The following KIR3DL1 variants were observed in gnomAD, a reference collection of about 807,000 sequenced individuals.
The protein encoded by KIR3DL1 is killer cell immunoglobulin-like receptor 3DL1.
In KIR3DL1, 50 loss-of-function variants were observed where a neutral mutation model predicts 40.3. That is an observed-to-expected ratio of 1.24 (90% CI 0.99 to 1.57). KIR3DL1 has a LOEUF of 1.57. Among genes scored for constraint, KIR3DL1 ranks in the 40% most tolerant of loss-of-function variants. KIR3DL1 has a pLI of 0.00. For synonymous variants in KIR3DL1, 257 were observed against 207.2 expected, an observed-to-expected ratio of 1.24 and a Z score of -2.07; for missense variants, 661 against 559.9, an observed-to-expected ratio of 1.18 and a Z score of -1.82.
exon 9 of KIR3DL1, chr19:54,830,192 C>T: frequency 6.6e-7 from 1 of 1,524,568 alleles, no homozygotes; most frequent in Non-Finnish European, 8.9e-7. Flanking sequence ...TTCTCAGAGG[C>T]CCAAGACACC....
Position 54,822,713 on chromosome 19 carries a change from C to T in KIR3DL1, c.949+855C>T, listed in dbSNP as rs371589817. On this transcript the variant is annotated intron_variant, in intron 5 of 8. Transcript: ENST00000391728. ...CTCTGGTGTCCACCATTGTATTCTC[C>T]ACCTTCATGAGATCCACCTTTTATC... Among the ~76,000 whole-genome samples the T allele has an allele frequency of 4.8e-3, 713 of 148,128 alleles. 16 individuals are homozygous for T. Among genetic ancestry groups the T allele is most frequent in the African/African-American group, 0.017 (664 of 38,632 alleles).
rs183140768 is a variant in KIR3DL1 at position 54,818,542 on chromosome 19, C to A, written c.298C>A (p.Pro100Thr). Residue 100 changes from proline to threonine, a missense_variant, in exon 3 of 9, where the codon CCA becomes ACA. Transcript: ENST00000391728. ...GAACTACACATGTCGGGGTTCACAC[C>A]CACACTCCCCCACTGGGTGGTCGGC... The A allele has an allele frequency of 6.0e-5, 96 of 1,611,502 alleles. 2 individuals carry two copies. The African/African-American group carries it at 1.2e-3, about 20-fold the overall frequency.
chr19:54,826,336 A>G (rs1329060292), intron 6 of KIR3DL1, among the ~76,000 whole-genome samples: 1 of 150,400 alleles, frequency 6.6e-6, no homozygotes, highest in Non-Finnish European at 1.5e-5. Flanking sequence ...ATTTATTGAG[A>G]CAGAGTCTCC....
chr19:54,820,941 G>A (rs1396361055), intron 4 of KIR3DL1, among the ~76,000 whole-genome samples: 1 of 150,962 alleles, frequency 6.6e-6, no homozygotes, highest in African/African-American at 2.5e-5. Flanking sequence ...TGATAAATAG[G>A]TAGATGATAG....
At position 54,819,832 on chromosome 19, in the gene KIR3DL1, G is replaced by GA; in HGVS notation, c.475_476insA (p.Gly159GlufsTer4). On this transcript the variant is annotated frameshift_variant, in exon 4 of 9. Coordinates refer to ENST00000391728, the Ensembl canonical transcript of KIR3DL1. LOFTEE classifies it high-confidence loss of function. ...TGAGCACTTCTTTCTGCACAAAGAG[G>GA]GGATCTCTAAGGACCCCTCACGCCT... 2.5e-6 allele frequency: 4 copies of GA among 1,611,606 alleles called. No homozygotes were observed. In the African/African-American group the frequency reaches 5.4e-5, roughly 22 times the overall value.
chr19:54,827,525 G>A lies in KIR3DL1; in HGVS notation c.1001-1836G>A, dbSNP rs546278816. ...TCCTGCTCTGGAGGATGAAGCAGGA[G>A]AATGACTTCAACCCAGGAGGTGGAG... On this transcript the variant is annotated intron_variant, in intron 6 of 8. Transcript: ENST00000391728. Among the ~76,000 whole-genome samples, 89 of 150,824 alleles carry A rather than the reference G, an allele frequency of 5.9e-4. 4 individuals are homozygous for A. The highest frequency in any genetic ancestry group is 2.1e-3 in the African/African-American group (85 of 40,512).
chr19:54,824,821 T>C (rs2061802152), intron 5 of KIR3DL1, among the ~76,000 whole-genome samples: 1 of 150,062 alleles, frequency 6.7e-6, no homozygotes, highest in Admixed American at 6.6e-5. Flanking sequence ...CTAAGTCAGG[T>C]AGTGTGATGC....
chr19:54,819,800 T>C (rs769147743), exon 4 of KIR3DL1: 5 of 1,611,706 alleles, frequency 3.1e-6, no homozygotes, highest in Non-Finnish European at 4.2e-6. Flanking sequence ...TGGTCAGATA[T>C]CATGTTTGAG....
chr19:54,817,457 A>G (rs1482468887), intron 1 of KIR3DL1, 77 bp from the exon 2 acceptor site: 6 of 1,221,534 alleles, frequency 4.9e-6, no homozygotes, highest in Non-Finnish European at 7.1e-6. Context: ...GGCTGCCAAG[A>G]CGCACAGCCC....
intron 6 of KIR3DL1, among the ~76,000 whole-genome samples, chr19:54,827,925 G>GCA (rs2061991333): frequency 6.7e-6 from 1 of 149,892 alleles, no homozygotes; most frequent in Non-Finnish European, 1.5e-5. Flanking sequence ...AATCACCTGT[G>GCA]GAAATACAGA....
chr19:54,820,154 A>T (rs1601336548), intron 4 of KIR3DL1, 142 bp downstream of exon 4: 1 of 888,564 alleles, frequency 1.1e-6, no homozygotes, highest in Admixed American at 2.2e-5. Context: ...CTGTACCAAC[A>T]GAGACAGAGA....
In KIR3DL1 at chr19:54,830,352, G is replaced by A. The variant is rs2062161378; in HGVS notation, c.*77G>A. 6.2e-5 allele frequency: 87 copies of A among 1,412,430 alleles called. 26 individuals are homozygous for A. In the South Asian group the frequency reaches 1.1e-3, roughly 18 times the overall value. The allele number at this position is 1,412,430 out of a possible 1,614,324, so 87.5% of individuals were successfully genotyped here. ...TCAAAACCGAGTTGCCAGCTCCCAT[G>A]TACCAGCAGCTGGAATCTGAAGGCG... On this transcript the variant is annotated 3_prime_UTR_variant, in exon 9 of 9. Coordinates refer to ENST00000391728, the Ensembl canonical transcript of KIR3DL1.
exon 3 of KIR3DL1, chr19:54,818,419 A>T: frequency 6.2e-7 from 1 of 1,607,506 alleles, no homozygotes; most frequent in Non-Finnish European, 8.5e-7. Context: ...TAACAATTTC[A>T]TGCTATACAA....
intron 7 of KIR3DL1, 46 bp downstream of exon 7, chr19:54,829,511 G>C: frequency 7.4e-7 from 1 of 1,348,280 alleles, no homozygotes; most frequent in East Asian, 2.4e-5. Context: ...GCCATGTGGG[G>C]AAGCAGGATG....
rs1180058729 is a variant in KIR3DL1 at position 54,824,568 on chromosome 19, C to T, written c.950-460C>T. On this transcript the variant is annotated intron_variant, in intron 5 of 8. Coordinates refer to ENST00000391728, the Ensembl canonical transcript of KIR3DL1. ...GACCAGTGCCTGTAATACCACTACT[C>T]GGGTGTTTGAGGCAAGAGAATTGCT... 2.0e-5 allele frequency among the ~76,000 whole-genome samples: 3 copies of T among 151,198 alleles called. 1 individual carries two copies. Among genetic ancestry groups the T allele is most frequent in the East Asian group, 1.9e-4 (1 of 5,178 alleles).
At chr19:54,830,338 T>C (rs2062160212) in exon 9 of KIR3DL1, 1 of 1,464,434 alleles carries the variant, frequency 6.8e-7, no homozygotes, top group Admixed American at 1.8e-5. Flanking sequence ...CAAAACCGAG[T>C]TGCCAGCTCC....
chr19:54,818,557 G>C, exon 3 of KIR3DL1: 1 of 1,611,498 alleles, frequency 6.2e-7, no homozygotes, highest in Non-Finnish European at 8.5e-7. Context: ...CTCCCCCACT[G>C]GGTGGTCGGC....
At chr19:54,820,771 C>T (rs895782739) in intron 4 of KIR3DL1, among the ~76,000 whole-genome samples, 14 of 150,802 alleles carry the variant, frequency 9.3e-5, no homozygotes, top group African/African-American at 3.4e-4. Context: ...AGAAAAGCCC[C>T]AAAATCAGAA....
rs2061411064 is a variant in KIR3DL1, at chr19:54,817,522, C to T, written c.35-12C>T. On this transcript the variant is annotated splice_polypyrimidine_tract_variant and intron_variant, in intron 1 of 8. Transcript: ENST00000391728. ...CTGCAGAGGGATGGTCCATCATGAT[C>T]TTTCTTTCTAGGGTTGTTCTTGGTC... 18 of 1,505,908 alleles carry T rather than the reference C, an allele frequency of 1.2e-5. 3 individuals are homozygous for T. The highest frequency in any genetic ancestry group is 1.5e-5 in the Non-Finnish European group (16 of 1,102,472). The allele number at this position is 1,505,908 out of a possible 1,614,324, so 93.3% of individuals were successfully genotyped here.
Sources: allele counts gnomAD v4.1 joint callset (sites outside exome capture counted in the v4.1 genomes callset), GRCh38; gene constraint gnomAD v4.1.1; transcripts MANE v1.5; gene names NCBI Gene and HGNC (gene_info 2026-07-23, HGNC 2026-07-21).